The following CFAP299 variants were observed in gnomAD, a reference collection of about 807,000 sequenced individuals.
The protein encoded by CFAP299 is cilia- and flagella-associated protein 299.
A neutral mutation model predicts 27.0 loss-of-function variants in CFAP299; 21 were observed. The observed-to-expected ratio is 0.78, with a 90% CI of 0.55 to 1.12. The LOEUF (loss-of-function observed/expected upper bound fraction) is 1.12. CFAP299 is among the 50% of genes most tolerant of loss of function. CFAP299 has a pLI of 0.00. For synonymous variants in CFAP299, 104 were observed against 98.1 expected, an observed-to-expected ratio of 1.06 and a Z score of -0.36; for missense variants, 310 against 276.6, an observed-to-expected ratio of 1.12 and a Z score of -0.86.
intron 2 of CFAP299, among the ~76,000 whole-genome samples, chr4:80,473,614 A>C (rs964469056): frequency 1.4e-4 from 21 of 152,064 alleles, no homozygotes; most frequent in African/African-American, 5.1e-4. Flanking sequence ...CTTGTTGCCC[A>C]AGCTGGAGTA....
At chr4:80,794,427 G>A (rs1450098044) in intron 3 of CFAP299, among the ~76,000 whole-genome samples, 2 of 152,300 alleles carry the variant, frequency 1.3e-5, no homozygotes, top group Non-Finnish European at 2.9e-5. Flanking sequence ...CTGGCTATGG[G>A]AGGAACAGTA....
chr4:80,421,382 C>T (rs770413780), intron 2 of CFAP299, among the ~76,000 whole-genome samples: 3 of 152,192 alleles, frequency 2.0e-5, no homozygotes, highest in Non-Finnish European at 2.9e-5. Flanking sequence ...AGAACTAAGA[C>T]TAGATTTTAA....
intron 3 of CFAP299, among the ~76,000 whole-genome samples, chr4:80,767,529 A>G (rs1245416327): frequency 6.6e-6 from 1 of 152,218 alleles, no homozygotes; most frequent in Non-Finnish European, 1.5e-5. Context: ...GAATGGCGTG[A>G]ACCCAGGAGG....
At chr4:80,531,880 A>G (rs1733490204) in intron 2 of CFAP299, among the ~76,000 whole-genome samples, 1 of 151,336 alleles carries the variant, frequency 6.6e-6, no homozygotes, top group Non-Finnish European at 1.5e-5. Flanking sequence ...CAGCCTCCCA[A>G]GTAGCTGGGA....
chr4:80,752,402 TTATATA>T (rs530135399), intron 3 of CFAP299, among the ~76,000 whole-genome samples: 2 of 145,044 alleles, frequency 1.4e-5, no homozygotes, highest in African/African-American at 5.1e-5. Context: ...ATATATATAT[TTATATA>T]TATATATACA....
intron 2 of CFAP299, among the ~76,000 whole-genome samples, chr4:80,541,010 ATC>A (rs1172691739): frequency 6.6e-6 from 1 of 152,124 alleles, no homozygotes; most frequent in African/African-American, 2.4e-5. Flanking sequence ...TCTTACCCCG[ATC>A]TCTGTGTCTT....
At chr4:80,746,528 C>A (rs1724605136) in intron 3 of CFAP299, among the ~76,000 whole-genome samples, 1 of 151,996 alleles carries the variant, frequency 6.6e-6, no homozygotes, top group Non-Finnish European at 1.5e-5. Flanking sequence ...AGTAAACAAT[C>A]TATTCTGGTT....
chr4:80,611,940 A>T (rs568038699), intron 3 of CFAP299, among the ~76,000 whole-genome samples: 1 of 152,230 alleles, frequency 6.6e-6, no homozygotes, highest in African/African-American at 2.4e-5. Context: ...ATGAGGGCAA[A>T]TATTTTTGTA....
At chr4:80,648,871 CAGA>C (rs763462438) in intron 3 of CFAP299, 14 of 152,010 alleles carry the variant, frequency 9.2e-5, no homozygotes, top group Non-Finnish European at 1.3e-4. Flanking sequence ...GTTTCTTTAT[CAGA>C]AGATGTTTCA....
At chr4:80,480,156 C>T (rs1198914385) in intron 2 of CFAP299, among the ~76,000 whole-genome samples, 1 of 151,772 alleles carries the variant, frequency 6.6e-6, no homozygotes, top group African/African-American at 2.4e-5. Context: ...TGGATACTTT[C>T]TCATGGGTTA....
In CFAP299 at chr4:80,611,291, G is replaced by A. The variant is rs891386467; in HGVS notation, c.333+28108G>A. Among the ~76,000 whole-genome samples the A allele has an allele frequency of 4.6e-5, 7 of 151,714 alleles. No individual in the cohort carries two copies. The South Asian group carries it at 8.3e-4, about 18-fold the overall frequency. On this transcript the variant is annotated intron_variant, in intron 3 of 5. Coordinates refer to ENST00000358105, the MANE Select transcript of CFAP299 (RefSeq NM_152770.3). ...TTTCTCCACTTTTAGATACCTTCCT[G>A]TTATGTAATTGTTGAGCAAAGTTTT...
At chr4:80,321,577 G>A in the CFAP299 span, among the ~76,000 whole-genome samples, 2 of 152,126 alleles carry the variant, frequency 1.3e-5, no homozygotes, top group Non-Finnish European at 2.9e-5. Flanking sequence ...GCCACACCCT[G>A]CAGTACCTGA....
At chr4:80,587,528 ATATT>A (rs919963552) in intron 3 of CFAP299, among the ~76,000 whole-genome samples, 5 of 152,194 alleles carry the variant, frequency 3.3e-5, no homozygotes, top group African/African-American at 1.2e-4. Context: ...CACTGCTGAG[ATATT>A]TATAGAATAA....
At chr4:80,752,717 C>T (rs1195693713) in intron 3 of CFAP299, among the ~76,000 whole-genome samples, 1 of 151,610 alleles carries the variant, frequency 6.6e-6, no homozygotes, top group African/African-American at 2.4e-5. Flanking sequence ...TCTTCTCTGC[C>T]TCCTTTTGTA....
At chr4:80,392,893 T>C (rs1725565783) in intron 2 of CFAP299, among the ~76,000 whole-genome samples, 1 of 152,200 alleles carries the variant, frequency 6.6e-6, no homozygotes, top group African/African-American at 2.4e-5. Flanking sequence ...GTGCACTCCT[T>C]CTACTTATTA....
chr4:80,945,877 G>A (rs1737443857), intron 5 of CFAP299, among the ~76,000 whole-genome samples: 1 of 152,054 alleles, frequency 6.6e-6, no homozygotes, highest in Non-Finnish European at 1.5e-5. Context: ...AAATAGGCCA[G>A]GCGCGGTGGC....
intron 2 of CFAP299, among the ~76,000 whole-genome samples, chr4:80,470,779 A>G (rs1729954733): frequency 6.6e-6 from 1 of 152,186 alleles, no homozygotes; most frequent in African/African-American, 2.4e-5. Flanking sequence ...ACATTGCCTC[A>G]AGAGAGATCT....
chr4:80,800,214 T>C (rs1432395675), intron 3 of CFAP299, among the ~76,000 whole-genome samples: 1 of 74,198 alleles, frequency 1.3e-5, no homozygotes, highest in Non-Finnish European at 2.3e-5. Context: ...ATATATAATA[T>C]ATATTATAAT....
intron 2 of CFAP299, among the ~76,000 whole-genome samples, chr4:80,510,515 C>T (rs1018263466): frequency 6.6e-6 from 1 of 152,150 alleles, no homozygotes; most frequent in African/African-American, 2.4e-5. Flanking sequence ...GCTGAGCTCA[C>T]ATCCTTTCTT....
Sources: allele counts gnomAD v4.1 joint callset (sites outside exome capture counted in the v4.1 genomes callset), GRCh38; gene constraint gnomAD v4.1.1; transcripts MANE v1.5; gene names NCBI Gene and HGNC (gene_info 2026-07-23, HGNC 2026-07-21).